The following SEM1 variants were observed in gnomAD, a reference collection of about 807,000 sequenced individuals.
The protein encoded by SEM1 is SEM1 26S proteasome subunit, also known as 26S proteasome complex subunit SEM1.
In SEM1, 3 loss-of-function variants were observed where a neutral mutation model predicts 12.7. That is an observed-to-expected ratio of 0.24 (90% CI 0.11 to 0.61). The LOEUF is 0.61. Among genes scored for constraint, SEM1 ranks in the 20% least tolerant of loss-of-function variants. The pLI is 0.88. For synonymous variants in SEM1, 30 were observed against 27.8 expected (o/e 1.08, Z -0.25); for missense variants, 59 against 81.3 (o/e 0.73, Z 1.06).
chr7:96,543,540 A>G (rs1437172568), intron 2 of SEM1, among the ~76,000 whole-genome samples: 2 of 151,972 alleles, frequency 1.3e-5, no homozygotes, highest in African/African-American at 2.4e-5. Context: ...TAAATCTTTA[A>G]GTGCAAGTTA....
At chr7:96,487,090 C>G (rs1173320893) in intron 1 of SEM1, among the ~76,000 whole-genome samples, 5 of 140,066 alleles carry the variant, frequency 3.6e-5, no homozygotes, top group Non-Finnish European at 4.4e-5. Flanking sequence ...TGACAACATG[C>G]ATCTGCACAA....
intron 2 of SEM1, among the ~76,000 whole-genome samples, chr7:96,605,244 C>T (rs1807313305): frequency 6.6e-6 from 1 of 152,146 alleles, no homozygotes; most frequent in African/African-American, 2.4e-5. Context: ...TGCTCTTCAG[C>T]CTTTGGCCCT....
At chr7:96,593,120 G>A (rs1413535863) in intron 2 of SEM1, among the ~76,000 whole-genome samples, 1 of 151,768 alleles carries the variant, frequency 6.6e-6, no homozygotes, top group African/African-American at 2.4e-5. Flanking sequence ...GAATATCTGC[G>A]AGAGACCTTG....
intron 2 of SEM1, among the ~76,000 whole-genome samples, chr7:96,633,908 G>GC (rs1808349139): frequency 6.6e-6 from 1 of 152,056 alleles, no homozygotes; most frequent in Non-Finnish European, 1.5e-5. Context: ...TTGAAGATCT[G>GC]CTAAAACCAA....
chr7:96,676,204 C>T (rs1166719097), intron 2 of SEM1, among the ~76,000 whole-genome samples: 2 of 152,168 alleles, frequency 1.3e-5, no homozygotes, highest in Admixed American at 6.6e-5. Context: ...CCATACATCC[C>T]CATTTTCCAG....
chr7:96,486,237 A>T (rs1584693321), exon 2 of SEM1: 1 of 1,532,448 alleles, frequency 6.5e-7, no homozygotes, highest in Non-Finnish European at 8.7e-7. Flanking sequence ...GTCGCTCTGG[A>T]GTTGGGCATC....
intron 2 of SEM1, among the ~76,000 whole-genome samples, chr7:96,639,667 T>A (rs1808529349): frequency 1.3e-5 from 2 of 151,840 alleles, no homozygotes; most frequent in African/African-American, 4.8e-5. Flanking sequence ...TTGGGTTTGG[T>A]AATGACTTTT....
chr7:96,625,009 TA>T (rs1808014700), intron 2 of SEM1, among the ~76,000 whole-genome samples: 1 of 152,206 alleles, frequency 6.6e-6, no homozygotes, highest in Middle Eastern at 3.2e-3. Flanking sequence ...TGACTCTACC[TA>T]AGTGAAAACG....
chr7:96,546,099 G>A (rs961724397), intron 2 of SEM1, among the ~76,000 whole-genome samples: 2 of 152,082 alleles, frequency 1.3e-5, no homozygotes, highest in South Asian at 4.1e-4. Context: ...TGGAGAGGGG[G>A]TTGCTTCTTA....
At chr7:96,593,672 T>C (rs73392829) in intron 2 of SEM1, among the ~76,000 whole-genome samples, 1,730 of 152,336 alleles carry the variant, frequency 0.011, 23 homozygotes, top group African/African-American at 0.04. Flanking sequence ...AATTATTTTA[T>C]TGGCAAAGAC....
intron 2 of SEM1, among the ~76,000 whole-genome samples, chr7:96,516,060 C>A (rs1237170422): frequency 1.3e-5 from 2 of 150,694 alleles, no homozygotes; most frequent in Non-Finnish European, 3.0e-5. Flanking sequence ...AAAAAAAGAA[C>A]CTAAAGAAAG....
At chr7:96,599,122 T>C (rs1404508) in intron 2 of SEM1, among the ~76,000 whole-genome samples, 123,535 of 152,044 alleles carry the variant, frequency 0.81, 50,562 homozygotes, top group East Asian at 0.89. Flanking sequence ...GAGCAGAGAT[T>C]GCTTGCCTTT....
intron 2 of SEM1, among the ~76,000 whole-genome samples, chr7:96,555,742 C>G (rs1584760141): frequency 7.0e-6 from 1 of 142,450 alleles, no homozygotes; most frequent in South Asian, 2.3e-4. Flanking sequence ...TCCTGGGTAT[C>G]CTTGTTGACT....
chr7:96,589,026 A>G (rs1408473501), intron 2 of SEM1, among the ~76,000 whole-genome samples: 3 of 152,226 alleles, frequency 2.0e-5, no homozygotes, highest in East Asian at 3.8e-4. Flanking sequence ...CATGAACCAT[A>G]AAAGTAAAAG....
intron 2 of SEM1, among the ~76,000 whole-genome samples, chr7:96,648,545 A>G (rs1808872802): frequency 6.6e-6 from 1 of 152,222 alleles, no homozygotes; most frequent in Non-Finnish European, 1.5e-5. Context: ...GCACAACCAT[A>G]GAAACTGTGG....
chr7:96,518,344 T>A (rs538194497), intron 2 of SEM1, among the ~76,000 whole-genome samples: 1 of 152,180 alleles, frequency 6.6e-6, no homozygotes, highest in Non-Finnish European at 1.5e-5. Context: ...AAACTGAAAT[T>A]TTAATATATA....
At chr7:96,684,503 T>C (rs1488861973), downstream of SEM1, among the ~76,000 whole-genome samples, 1 of 151,642 alleles carries the variant, frequency 6.6e-6, no homozygotes, top group Non-Finnish European at 1.5e-5. Flanking sequence ...GAGGATTCAT[T>C]AGGAAAGGGG....
intron 2 of SEM1, among the ~76,000 whole-genome samples, chr7:96,564,449 T>C (rs780761992): frequency 4.6e-5 from 7 of 152,080 alleles, no homozygotes; most frequent in African/African-American, 7.2e-5. Flanking sequence ...CCAGCTCTCA[T>C]TGCAAAAGGA....
chr7:96,585,808 G>A (rs1263629501), intron 2 of SEM1, among the ~76,000 whole-genome samples: 3 of 152,162 alleles, frequency 2.0e-5, no homozygotes, highest in Admixed American at 1.3e-4. Flanking sequence ...GTGAGGCAAT[G>A]CCTCGCCCTG....
Sources: allele counts gnomAD v4.1 joint callset (sites outside exome capture counted in the v4.1 genomes callset), GRCh38; gene constraint gnomAD v4.1.1; transcripts MANE v1.5; gene names NCBI Gene and HGNC (gene_info 2026-07-23, HGNC 2026-07-21).